The following UBE2H variants were observed in gnomAD, a reference collection of about 807,000 sequenced individuals.
The protein encoded by UBE2H is ubiquitin-conjugating enzyme E2 H.
UBE2H carries 3 observed loss-of-function variants against 29.0 expected under a neutral mutation model. That is an observed-to-expected ratio of 0.10 (90% CI 0.05 to 0.27). The LOEUF (loss-of-function observed/expected upper bound fraction) is 0.27. UBE2H is among the 10% of genes least tolerant of loss of function. UBE2H has a pLI of 1.00. For synonymous variants in UBE2H, 69 were observed against 82.9 expected (o/e 0.83, Z 0.91); for missense variants, 68 against 228.2 (o/e 0.30, Z 4.52).
intron 3 of UBE2H, among the ~76,000 whole-genome samples, chr7:129,860,320 T>G (rs374671351): frequency 2.6e-5 from 4 of 152,208 alleles, no homozygotes; most frequent in Non-Finnish European, 5.9e-5. Context: ...CTATGTGATG[T>G]TTAAGTTACT....
At chr7:129,844,729 C>T (rs1177089254) in intron 5 of UBE2H, among the ~76,000 whole-genome samples, 1 of 152,158 alleles carries the variant, frequency 6.6e-6, no homozygotes, top group Non-Finnish European at 1.5e-5. Context: ...CAATTAGAAC[C>T]AAAATGTGGT....
chr7:129,870,175 C>A (rs1041128247), intron 3 of UBE2H, among the ~76,000 whole-genome samples: 3 of 152,124 alleles, frequency 2.0e-5, no homozygotes, highest in African/African-American at 7.2e-5. Flanking sequence ...AACACCAGGC[C>A]TCTGGGTTCT....
chr7:129,854,372 G>C (rs1805668841), intron 5 of UBE2H, among the ~76,000 whole-genome samples: 1 of 152,080 alleles, frequency 6.6e-6, no homozygotes, highest in South Asian at 2.1e-4. Flanking sequence ...AAATAGTTTT[G>C]AGCAAAATGT....
In UBE2H at chr7:129,916,766, C is replaced by T. The variant is rs570611362; in HGVS notation, c.53+35737G>A. Among the ~76,000 whole-genome samples the T allele has an allele frequency of 8.5e-5, 13 of 152,214 alleles. No homozygotes were observed. In the East Asian group the frequency reaches 2.1e-3, roughly 25 times the overall value. On this transcript the variant is annotated intron_variant, in intron 1 of 6. Coordinates refer to ENST00000355621, the MANE Select transcript of UBE2H (RefSeq NM_003344.4). ...CAAAAGTTCCATTTGCGGCTGGGAG[C>T]GGTGGCTCACACCTGTAATTCCAGC...
rs373241099 is a variant in UBE2H at position 129,900,908 on chromosome 7, G to A, written c.54-19937C>T. 2.8e-4 allele frequency among the ~76,000 whole-genome samples: 42 copies of A among 151,914 alleles called. 1 individual carries two copies. Among genetic ancestry groups the A allele is most frequent in the Middle Eastern group, 3.4e-3 (1 of 294 alleles). ...TGGGACTACAGGTGCCCACCACCACGCCCGGCTAATTTTTTGTATTTTTAG... is the reference window on the plus strand; with the variant it reads ...TGGGACTACAGGTGCCCACCACCACACCCGGCTAATTTTTTGTATTTTTAG... On this transcript the variant is annotated intron_variant, in intron 1 of 6. Coordinates refer to ENST00000355621, the MANE Select transcript of UBE2H (RefSeq NM_003344.4).
At chr7:129,944,933 T>A (rs1343481272) in intron 1 of UBE2H, among the ~76,000 whole-genome samples, 1 of 151,988 alleles carries the variant, frequency 6.6e-6, no homozygotes, top group Non-Finnish European at 1.5e-5. Context: ...TATATCCACA[T>A]AATAGAATAC....
chr7:129,890,173 T>C (rs1159519280), intron 1 of UBE2H, among the ~76,000 whole-genome samples: 2 of 151,798 alleles, frequency 1.3e-5, no homozygotes, highest in Non-Finnish European at 2.9e-5. Flanking sequence ...AACACATGAA[T>C]GAAGTTGCCA....
At chr7:129,916,704 C>T (rs2116459783) in intron 1 of UBE2H, among the ~76,000 whole-genome samples, 1 of 152,274 alleles carries the variant, frequency 6.6e-6, no homozygotes. Flanking sequence ...CCTAAACACA[C>T]TCTAAGCATG....
At chr7:129,839,536 G>A (rs1162702011) in intron 5 of UBE2H, 2 of 586,560 alleles carry the variant, frequency 3.4e-6, no homozygotes, top group South Asian at 2.2e-5. Flanking sequence ...TTTGAAGAAC[G>A]AGATAAAGAT....
chr7:129,903,866 T>C (rs1229868812), intron 1 of UBE2H, among the ~76,000 whole-genome samples: 1 of 152,230 alleles, frequency 6.6e-6, no homozygotes, highest in East Asian at 1.9e-4. Context: ...TGCTGGCATC[T>C]GTACTCCAGC....
At chr7:129,894,509 G>A (rs1362222372) in intron 1 of UBE2H, among the ~76,000 whole-genome samples, 10 of 135,144 alleles carry the variant, frequency 7.4e-5, no homozygotes, top group Admixed American at 3.1e-4. Flanking sequence ...TTTTTGAGAC[G>A]GAGTTTTTGC....
intron 5 of UBE2H, among the ~76,000 whole-genome samples, chr7:129,851,827 T>C (rs891504459): frequency 6.6e-6 from 1 of 152,200 alleles, no homozygotes; most frequent in African/African-American, 2.4e-5. Flanking sequence ...GTTAGACTCC[T>C]GAGCCACATA....
chr7:129,952,450 C>T, intron 1 of UBE2H, 53 bp downstream of exon 1: 1 of 1,596,266 alleles, frequency 6.3e-7, no homozygotes. Context: ...GTGCCCTGGG[C>T]ATCCCCACAC....
At chr7:129,909,149 C>T (rs1330806516) in intron 1 of UBE2H, among the ~76,000 whole-genome samples, 1 of 152,150 alleles carries the variant, frequency 6.6e-6, no homozygotes, top group African/African-American at 2.4e-5. Flanking sequence ...GCCCCTCTCT[C>T]TCAGAGAAGG....
At chr7:129,873,425 CTTTTTTT>C (rs373132869) in intron 3 of UBE2H, among the ~76,000 whole-genome samples, 6 of 122,978 alleles carry the variant, frequency 4.9e-5, no homozygotes, top group Non-Finnish European at 6.7e-5. Context: ...ACATCAAATT[CTTTTTTT>C]TTTTTTTTTT....
At chr7:129,839,549 A>T (rs575145266) in intron 5 of UBE2H, 42 of 502,532 alleles carry the variant, frequency 8.4e-5, no homozygotes, top group Non-Finnish European at 1.3e-4. Flanking sequence ...ATAAAGATAT[A>T]CCTGACATTC....
intron 1 of UBE2H, among the ~76,000 whole-genome samples, chr7:129,900,591 C>T (rs192946378): frequency 2.5e-4 from 38 of 152,218 alleles, no homozygotes; most frequent in Middle Eastern, 3.4e-3. Flanking sequence ...TTGGCCAAAT[C>T]ACTATTTAGA....
chr7:129,887,164 T>G (rs974273193), intron 1 of UBE2H, among the ~76,000 whole-genome samples: 3 of 151,838 alleles, frequency 2.0e-5, no homozygotes, highest in Non-Finnish European at 4.4e-5. Context: ...GCTTAGCTAC[T>G]AGAGCTAAGA....
intron 1 of UBE2H, among the ~76,000 whole-genome samples, chr7:129,941,514 A>G (rs1807641711): frequency 6.6e-6 from 1 of 152,134 alleles, no homozygotes; most frequent in Non-Finnish European, 1.5e-5. Flanking sequence ...ACATACTATC[A>G]TTGCTCCAAA....
Sources: allele counts gnomAD v4.1 joint callset (sites outside exome capture counted in the v4.1 genomes callset), GRCh38; gene constraint gnomAD v4.1.1; transcripts MANE v1.5; gene names NCBI Gene and HGNC (gene_info 2026-07-23, HGNC 2026-07-21).